Variants in ABCA10 observed in about 807,000 individuals in gnomAD.
The protein encoded by ABCA10 is ATP binding cassette subfamily A member 10.
Under a neutral mutation model 187.5 loss-of-function variants are expected in ABCA10, and 169 were observed. The observed-to-expected ratio is 0.90, with a 90% confidence interval of 0.80 to 1.02. ABCA10 has a LOEUF of 1.02. Ranked by LOEUF, ABCA10 falls within the 50% of genes least tolerant of loss-of-function variation. ABCA10 has a pLI of 0.00. For synonymous variants in ABCA10, 574 were observed against 601.8 expected (o/e 0.95, Z 0.68); for missense variants, 1,727 against 1,812.4 (o/e 0.95, Z 0.86).
intron 12 of ABCA10, 124 bp downstream of exon 12, chr17:69,194,261 T>C: frequency 2.4e-6 from 2 of 824,180 alleles, no homozygotes; most frequent in South Asian, 1.6e-5. Context: ...ATGAAATCAA[T>C]ATTTCCTGCT....
At chr17:69,163,238 G>C (rs1272942445) in intron 27 of ABCA10, among the ~76,000 whole-genome samples, 1 of 152,086 alleles carries the variant, frequency 6.6e-6, no homozygotes, top group Non-Finnish European at 1.5e-5. Context: ...CCACTGCAAA[G>C]GCAACCCTGA....
intron 2 of ABCA10, among the ~76,000 whole-genome samples, chr17:69,226,763 A>C (rs1427932529): frequency 6.6e-6 from 1 of 151,884 alleles, no homozygotes; most frequent in East Asian, 1.9e-4. Context: ...CCACGTAAAA[A>C]TCTATTTTAT....
chr17:69,175,677 C>T (rs1291880905), intron 22 of ABCA10, 164 bp from the exon 23 acceptor site: 1 of 528,808 alleles, frequency 1.9e-6, no homozygotes. Context: ...TGGCAGGTTC[C>T]ATTCCCAGGA....
chr17:69,149,841 G>A (rs2074115096), intron 37 of ABCA10, 143 bp downstream of exon 37: 1 of 643,520 alleles, frequency 1.6e-6, no homozygotes, highest in African/African-American at 1.9e-5. Context: ...CATTTCCTTT[G>A]AGATTGTTAT....
In ABCA10 at chr17:69,162,853, A is replaced by ATATATATATG. The variant is rs879584508; in HGVS notation, c.3363+1220_3363+1221insCATATATATA. On this transcript the variant is annotated intron_variant, in intron 27 of 38. Transcript: ENST00000690296. ...TATACATATACATATATATATATAT[A>ATATATATATG]TATGAGACGGAGTCTCTCTCTGTTG... is the stretch of plus-strand genomic sequence containing the variant. 8.1e-4 allele frequency among the ~76,000 whole-genome samples: 121 copies of ATATATATATG among 149,602 alleles called. 3 individuals are homozygous for ATATATATATG. The highest frequency in any genetic ancestry group is 6.7e-3 in the East Asian group (34 of 5,084).
intron 20 of ABCA10, 75 bp downstream of exon 20, chr17:69,185,402 T>G: frequency 7.2e-7 from 1 of 1,391,642 alleles, no homozygotes; most frequent in East Asian, 2.3e-5. Context: ...TTGTTTTCAA[T>G]TGTCTCTCAG....
In ABCA10 at chr17:69,182,065, G is replaced by C. The variant is rs758497427; in HGVS notation, c.2769+88C>G. The C allele has an allele frequency of 2.0e-5, 26 of 1,275,922 alleles. No individual in the cohort carries two copies. The African/African-American group carries it at 4.0e-4, about 20-fold the overall frequency. The allele number at this position is 1,275,922 out of a possible 1,614,324, so 79.0% of individuals were successfully genotyped here. A position where few individuals can be genotyped will look rare whatever the true frequency, so the allele number is the denominator to read the frequency against. ...ACTTGCTGTTAAGTGGCAGAAACAAGATTTGAACTCACATGGTAGGCTCTA... is the reference window on the plus strand; with the variant it reads ...ACTTGCTGTTAAGTGGCAGAAACAACATTTGAACTCACATGGTAGGCTCTA... On this transcript the variant is annotated intron_variant, in intron 22 of 38. Coordinates refer to ENST00000690296, the MANE Select transcript of ABCA10 (RefSeq NM_001377321.1).
chr17:69,148,786 T>A lies in ABCA10; in HGVS notation c.*41A>T, dbSNP rs2074106898. 1.4e-6 allele frequency: 2 copies of A among 1,477,508 alleles called. No homozygotes were observed. The highest frequency in any genetic ancestry group is 2.8e-5 in the African/African-American group (2 of 71,550). 91.5% of individuals were successfully genotyped at this position (1,477,508 alleles called of 1,614,324 possible). The stretch of plus-strand genomic sequence containing the variant: ...CTTGTAGAATTATGGAAACTAACAA[T>A]GTAGTAGGACCTAAAATTGAATGTT... On this transcript the variant is annotated 3_prime_UTR_variant, in exon 39 of 39. Coordinates refer to ENST00000690296, the MANE Select transcript of ABCA10 (RefSeq NM_001377321.1).
chr17:69,160,280 A>G (rs1403823164), intron 27 of ABCA10, among the ~76,000 whole-genome samples: 4 of 152,208 alleles, frequency 2.6e-5, no homozygotes, highest in Non-Finnish European at 5.9e-5. Context: ...CTACAACTCA[A>G]TAACAACAAA....
At position 69,193,519 on chromosome 17, in the gene ABCA10, C is replaced by T. The variant is rs1325392794; in HGVS notation, c.1615G>A (p.Gly539Arg). 4 of 1,613,472 alleles carry T rather than the reference C, an allele frequency of 2.5e-6. No individual in the cohort carries two copies. Among genetic ancestry groups the T allele is most frequent in the Non-Finnish European group, 3.4e-6 (4 of 1,179,716 alleles). ...SGGQKRKLTL[G>R]IAILGDPQVL... ...TGAGGATCTCCTAAGATGGCAATCC[C>T]TAGTGTTAGTTTTCTCTTCTGCCCA... The change falls in exon 14 of 39, where the codon GGG (glycine) becomes AGG (arginine). Residue 539 changes from glycine (G) to arginine (R), a missense_variant. By Grantham distance (125) the Gly-to-Arg change is moderately radical. Coordinates refer to ENST00000690296, the MANE Select transcript of ABCA10 (RefSeq NM_001377321.1).
intron 9 of ABCA10, among the ~76,000 whole-genome samples, chr17:69,213,906 T>C (rs1332059640): frequency 6.6e-6 from 1 of 152,222 alleles, no homozygotes; most frequent in Non-Finnish European, 1.5e-5. Context: ...AGCATTCTTA[T>C]TGGGCTGATG....
intron 9 of ABCA10, among the ~76,000 whole-genome samples, chr17:69,206,596 T>C (rs1366211319): frequency 6.6e-6 from 1 of 152,210 alleles, no homozygotes; most frequent in Admixed American, 6.5e-5. Flanking sequence ...AAATGAGAGA[T>C]TGTTTCCTGT....
At chr17:69,206,755 C>T (rs567123739) in intron 9 of ABCA10, among the ~76,000 whole-genome samples, 1 of 152,126 alleles carries the variant, frequency 6.6e-6, no homozygotes, top group Non-Finnish European at 1.5e-5. Context: ...AACATCTGTA[C>T]AAAAATCAAC....
intron 20 of ABCA10, among the ~76,000 whole-genome samples, chr17:69,183,019 T>C (rs929936989): frequency 6.6e-6 from 1 of 152,204 alleles, no homozygotes; most frequent in Non-Finnish European, 1.5e-5. Flanking sequence ...GACTCCTTTA[T>C]TCTTTTCAGA....
chr17:69,215,657 T>C (rs2074697857), intron 8 of ABCA10, 158 bp downstream of exon 8: 1 of 662,016 alleles, frequency 1.5e-6, no homozygotes, highest in Non-Finnish European at 2.3e-6. Context: ...TTTATCCATT[T>C]GATAAAACTT....
At chr17:69,238,673 A>G (rs542999355) in intron 1 of ABCA10, among the ~76,000 whole-genome samples, 3 of 152,334 alleles carry the variant, frequency 2.0e-5, no homozygotes, top group South Asian at 2.1e-4. Context: ...TCTCCAGTAT[A>G]TAATTACCTG....
chr17:69,160,615 A>G (rs184241297), intron 27 of ABCA10, among the ~76,000 whole-genome samples: 53 of 152,096 alleles, frequency 3.5e-4, no homozygotes, highest in Non-Finnish European at 5.7e-4. Flanking sequence ...AAACAAACAA[A>G]CAAACAAAAA....
chr17:69,205,413 T>A (rs1040830328), intron 9 of ABCA10, among the ~76,000 whole-genome samples: 4 of 152,230 alleles, frequency 2.6e-5, no homozygotes, highest in African/African-American at 9.6e-5. Context: ...GAGCATCTAC[T>A]AGGTGCCAAA....
At chr17:69,243,244 T>C (rs1167786385) in intron 1 of ABCA10, among the ~76,000 whole-genome samples, 11 of 152,220 alleles carry the variant, frequency 7.2e-5, no homozygotes, top group Non-Finnish European at 1.5e-5. Context: ...TATTTGAGAA[T>C]CTTGCACACA....
Sources: allele counts gnomAD v4.1 joint callset (sites outside exome capture counted in the v4.1 genomes callset), GRCh38; gene constraint gnomAD v4.1.1; transcripts MANE v1.5; gene names NCBI Gene and HGNC (gene_info 2026-07-23, HGNC 2026-07-21).